The following SF3A2 variants were observed in gnomAD, a reference collection of about 807,000 sequenced individuals.
The protein encoded by SF3A2 is splicing factor 3a subunit 2, also known as SAP 62.
In SF3A2, 5 loss-of-function variants were observed where a neutral mutation model predicts 31.1. The ratio of observed to expected loss-of-function variants is 0.16; its 90% CI spans 0.08 to 0.34. The LOEUF is 0.34. Ranked by LOEUF, SF3A2 falls within the 10% of genes least tolerant of loss-of-function variation. SF3A2 has a pLI of 1.00. For synonymous variants in SF3A2, 365 were observed against 263.7 expected (o/e 1.38, Z -3.72); for missense variants, 577 against 643.9 (o/e 0.90, Z 1.13).
Position 2,246,485 on chromosome 19 carries a change from C to T in SF3A2, c.356-268C>T, listed in dbSNP as rs1280628039. ...CCTGCTGGGTGGTATCCCAGCACCCCTGGTGAAGGGCTCTGGGGATTGGGA... is the reference window on the plus strand; with the variant it reads ...CCTGCTGGGTGGTATCCCAGCACCCTTGGTGAAGGGCTCTGGGGATTGGGA... On this transcript the variant is annotated intron_variant, in intron 5 of 8. Coordinates refer to ENST00000221494, the MANE Select transcript of SF3A2 (RefSeq NM_007165.5). The surrounding 1 kb of genome is among the most constrained non-coding windows in gnomAD (Gnocchi z 5.5). 1.3e-5 allele frequency among the ~76,000 whole-genome samples: 2 copies of T among 152,080 alleles called. No individual in the cohort carries two copies. Among genetic ancestry groups the T allele is most frequent in the African/African-American group, 2.4e-5 (1 of 41,422 alleles).
Position 2,245,536 on chromosome 19 carries a change from C to A in SF3A2, c.336C>A (p.Ile112=). 1 of 1,550,842 alleles carries A rather than the reference C, an allele frequency of 6.4e-7. No homozygotes were observed. Among genetic ancestry groups the A allele is most frequent in the Non-Finnish European group, 8.7e-7 (1 of 1,146,722 alleles). The part of the protein sequence containing the change: ...VKVEVKKFVK[I]GRPGYKVTKQ... ...TGGAGGTGAAGAAGTTTGTGAAGAT[C>A]GGCCGCCCGGGCTACAAAGGTGAGT... Residue 112 remains isoleucine (I), a synonymous_variant, in exon 5 of 9, where the codon ATC becomes ATA. Transcript: ENST00000221494. The surrounding 1 kb of genome is among the most constrained non-coding windows in gnomAD (Gnocchi z 4.2).
intron 7 of SF3A2, 143 bp downstream of exon 7, chr19:2,247,165 C>A: frequency 1.1e-6 from 1 of 875,524 alleles, no homozygotes; most frequent in Middle Eastern, 3.4e-4. Flanking sequence ...TCTGCACAGG[C>A]CGGGCAGGGC....
intron 3 of SF3A2, 24 bp from the exon 4 acceptor site, chr19:2,244,709 A>G: frequency 6.2e-7 from 1 of 1,613,968 alleles, no homozygotes. Context: ...GCCTCGAGTC[A>G]TGCGTGTTTC....
intron 3 of SF3A2, 31 bp downstream of exon 3, chr19:2,244,646 G>A (rs780568673): frequency 3.7e-5 from 59 of 1,611,762 alleles, no homozygotes; most frequent in Middle Eastern, 1.6e-4. Flanking sequence ...CGGGCGGCTC[G>A]CGGCGGGCTG....
rs1292172295 is a variant in SF3A2 at position 2,248,376 on chromosome 19, C to T, written c.1225C>T (p.Pro409Ser). Reference sequence around the variant, plus strand: ...GCACCCTCAGGCCCCGGGGGTCCACCCCCAACCTCCCGGGGTCCATCCGTC... The same window carrying T: ...GCACCCTCAGGCCCCGGGGGTCCACTCCCAACCTCCCGGGGTCCATCCGTC... ...GMHPQAPGVH[P>S]QPPGVHPSAP... The change falls in exon 9 of 9, where the codon CCC (proline) becomes TCC (serine). Residue 409 changes from proline to serine, a missense_variant. Coordinates refer to ENST00000221494, the MANE Select transcript of SF3A2 (RefSeq NM_007165.5). The T allele has an allele frequency of 5.8e-6, 8 of 1,384,874 alleles. No homozygotes were observed. Among genetic ancestry groups the T allele is most frequent in the Non-Finnish European group, 7.5e-6 (8 of 1,073,666 alleles). The allele number at this position is 1,384,874 out of a possible 1,614,324, so 85.8% of individuals were successfully genotyped here.
chr19:2,241,206 C>T (rs553123306), intron 1 of SF3A2, among the ~76,000 whole-genome samples: 5 of 152,280 alleles, frequency 3.3e-5, no homozygotes, highest in East Asian at 3.9e-4. Flanking sequence ...GATGACGCCC[C>T]GAGATCTGTG....
chr19:2,244,434 A>AG (rs2024915146), intron 2 of SF3A2, 110 bp from the exon 3 acceptor site: 2 of 811,248 alleles, frequency 2.5e-6, no homozygotes, highest in South Asian at 1.5e-5. Context: ...CCTCTACAGA[A>AG]GGGGGGTTCT....
At chr19:2,239,059 C>G (rs1231536306) in intron 1 of SF3A2, among the ~76,000 whole-genome samples, 1 of 152,174 alleles carries the variant, frequency 6.6e-6, no homozygotes, top group East Asian at 1.9e-4. Flanking sequence ...GTATAAAAAT[C>G]TAGATTGAAA....
chr19:2,248,355 C>A lies in SF3A2; in HGVS notation c.1204C>A (p.Pro402Thr). ...GVHPPAPGMH[P>T]QAPGVHPQPP... ...GCACCCACCAGCCCCAGGGATGCAC[C>A]CTCAGGCCCCGGGGGTCCACCCCCA... The change falls in exon 9 of 9, where the codon CCT becomes ACT. Residue 402 changes from proline (P) to threonine (T), a missense_variant. By Grantham distance (38) the Pro-to-Thr change is conservative. Around this residue, in one of 6 missense-constraint regions of SF3A2, gnomAD observed 462 missense variants for 339.1 expected, o/e 1.36. Transcript: ENST00000221494. 7.2e-7 allele frequency: 1 copy of A among 1,385,372 alleles called. No homozygotes were observed. Among genetic ancestry groups the A allele is most frequent in the Non-Finnish European group, 9.3e-7 (1 of 1,073,998 alleles). The allele number at this position is 1,385,372 out of a possible 1,614,324, so 85.8% of individuals were successfully genotyped here.
intron 8 of SF3A2, 25 bp downstream of exon 8, chr19:2,247,687 C>T (rs756361871): frequency 6.2e-7 from 1 of 1,612,498 alleles, no homozygotes; most frequent in South Asian, 1.1e-5. Context: ...CCGAGCCTGG[C>T]TCCTTCCCAC....
Position 2,248,042 on chromosome 19 carries a change from T to A in SF3A2, c.891T>A (p.Pro297=), listed in dbSNP as rs1475909133. 7 of 791,186 alleles carry A rather than the reference T, an allele frequency of 8.8e-6. No individual in the cohort carries two copies. Among genetic ancestry groups the A allele is most frequent in the South Asian group, 6.0e-5 (4 of 66,470 alleles). 49.0% of individuals were successfully genotyped at this position (791,186 alleles called of 1,614,324 possible). A position where few individuals can be genotyped will look rare whatever the true frequency, so the allele number is the denominator to read the frequency against. ...VHPPAPVVHP[P]ASGVHPPAPG... is the part of the protein sequence containing the mutation. ...CCCCGGCCCCAGTGGTGCATCCCCC[T>A]GCATCTGGGGTCCATCCCCCAGCTC... The change falls in exon 9 of 9, where the codon CCT becomes CCA. Residue 297 remains proline (P), a synonymous_variant. Transcript: ENST00000221494.
At chr19:2,243,114 G>A (rs1215161183) in intron 1 of SF3A2, among the ~76,000 whole-genome samples, 1 of 152,132 alleles carries the variant, frequency 6.6e-6, no homozygotes, top group Non-Finnish European at 1.5e-5. Flanking sequence ...CCCTGGGCTG[G>A]AGCGGCTTCC....
Position 2,245,663 on chromosome 19 carries a change from C to T in SF3A2, c.355+108C>T. On this transcript the variant is annotated intron_variant, in intron 5 of 8. Transcript: ENST00000221494. This position sits in a 1 kb window ranked among gnomAD's most constrained non-coding sequence, Gnocchi z 4.2. ...CCCTGATAGCCTCCTCCCTGAGCCACTGTTTTCCGGCCTTGGTGGCCGTCC... is the reference window on the plus strand; with the variant it reads ...CCCTGATAGCCTCCTCCCTGAGCCATTGTTTTCCGGCCTTGGTGGCCGTCC... The T allele has an allele frequency of 1.2e-6, 1 of 829,730 alleles. No individual in the cohort carries two copies. The highest frequency in any genetic ancestry group is 2.0e-6 in the Non-Finnish European group (1 of 503,104). 51.4% of individuals were successfully genotyped at this position (829,730 alleles called of 1,614,324 possible).
rs1328827079 is a variant in SF3A2 at position 2,245,464 on chromosome 19, G to A, written c.264G>A (p.Lys88=). 1 of 1,550,680 alleles carries A rather than the reference G, an allele frequency of 6.4e-7. No homozygotes were observed. Among genetic ancestry groups the A allele is most frequent in the Admixed American group, 2.0e-5 (1 of 51,008 alleles). Residue 88 remains lysine, a synonymous_variant, in exon 5 of 9, where the codon AAG becomes AAA. Coordinates refer to ENST00000221494, the MANE Select transcript of SF3A2 (RefSeq NM_007165.5). This position sits in a 1 kb window ranked among gnomAD's most constrained non-coding sequence, Gnocchi z 4.2. ...HQTNLARRAA[K]EAKEAPAQPA... The stretch of plus-strand genomic sequence containing the variant: ...TCCGCAGGGCCCGGCGAGCAGCCAA[G>A]GAGGCCAAGGAGGCCCCTGCCCAGC...
Position 2,245,787 on chromosome 19 carries a change from C to T in SF3A2, c.355+232C>T. The T allele has an allele frequency of 1.7e-6, 1 of 571,766 alleles. No homozygotes were observed. Among genetic ancestry groups the T allele is most frequent in the Non-Finnish European group, 3.1e-6 (1 of 318,940 alleles). 35.4% of individuals were successfully genotyped at this position (571,766 alleles called of 1,614,324 possible). A position where few individuals can be genotyped will look rare whatever the true frequency, so the allele number is the denominator to read the frequency against. On this transcript the variant is annotated intron_variant, in intron 5 of 8. Coordinates refer to ENST00000221494, the MANE Select transcript of SF3A2 (RefSeq NM_007165.5). This position sits in a 1 kb window ranked among gnomAD's most constrained non-coding sequence, Gnocchi z 4.2. ...AGCAGCCCATTTCCCAGCTGAGCCA[C>T]AGTCTGTGCCCTCCTGTCCGGGTCT...
chr19:2,242,595 GA>G (rs1421292846), intron 1 of SF3A2, among the ~76,000 whole-genome samples: 21 of 152,218 alleles, frequency 1.4e-4, no homozygotes, highest in Admixed American at 1.2e-3. Flanking sequence ...TGGGGGCAGT[GA>G]TTCACTCAGT....
At chr19:2,238,033 G>A (rs1032150623) in intron 1 of SF3A2, 1 of 152,204 alleles carries the variant, frequency 6.6e-6, no homozygotes, top group Non-Finnish European at 1.5e-5. Flanking sequence ...TTTTTTGTTT[G>A]TTTTGAGACA....
At position 2,246,714 on chromosome 19, in the gene SF3A2, G is replaced by C; in HGVS notation, c.356-39G>C. The C allele has an allele frequency of 1.2e-6, 2 of 1,613,344 alleles. No individual in the cohort carries two copies. Among genetic ancestry groups the C allele is most frequent in the Middle Eastern group, 1.7e-4 (1 of 6,054 alleles). ...GCCCCAGGTTCCTCAGCTTCGGAGA[G>C]GACAAGCAGCCGGGACCTGAGAGCT... is the stretch of plus-strand genomic sequence containing the variant. On this transcript the variant is annotated intron_variant, in intron 5 of 8. Coordinates refer to ENST00000221494, the MANE Select transcript of SF3A2 (RefSeq NM_007165.5). The surrounding 1 kb of genome is among the most constrained non-coding windows in gnomAD (Gnocchi z 5.5).
At chr19:2,247,315 T>G (rs1015253569) in intron 7 of SF3A2, 111 of 551,888 alleles carry the variant, frequency 2.0e-4, no homozygotes, top group African/African-American at 1.9e-3. Flanking sequence ...GCTGGAGGGC[T>G]TCCTACAGCC....
Sources: gnomAD v4.1 joint callset for allele counts (sites outside exome capture counted in the v4.1 genomes callset) on GRCh38, gnomAD v4.1.1 for gene constraint, gnomAD v4.1.1 regional missense constraint, Gnocchi (gnomAD v3.1) non-coding constraint, MANE v1.5 for transcripts, NCBI Gene and HGNC (gene_info 2026-07-23, HGNC 2026-07-21) for gene names.